Variants in MRPL48 observed in about 807,000 individuals in gnomAD.
The protein encoded by MRPL48 is large ribosomal subunit protein mL48.
MRPL48 carries 16 observed loss-of-function variants against 32.9 expected under a neutral mutation model. The ratio of observed to expected loss-of-function variants is 0.49; its 90% CI spans 0.33 to 0.74. The LOEUF (loss-of-function observed/expected upper bound fraction) is 0.74. MRPL48 is among the 30% of genes least tolerant of loss of function. MRPL48 has a pLI of 0.02. For synonymous variants in MRPL48, 94 were observed against 89.2 expected, an observed-to-expected ratio of 1.05 and a Z score of -0.31; for missense variants, 206 against 245.3, an observed-to-expected ratio of 0.84 and a Z score of 1.07.
intron 6 of MRPL48, among the ~76,000 whole-genome samples, chr11:73,862,144 T>C (rs1411484489): frequency 6.6e-6 from 1 of 151,880 alleles, no homozygotes; most frequent in South Asian, 2.1e-4. Flanking sequence ...AAAAATTAGC[T>C]GGGCACGGTG....
At chr11:73,850,737 C>T (rs895088946) in intron 5 of MRPL48, 4 of 209,554 alleles carry the variant, frequency 1.9e-5, no homozygotes, top group East Asian at 1.5e-4. Flanking sequence ...AATGCAGCGG[C>T]GCGATCTCGA....
At chr11:73,842,834 C>G (rs367781892) in intron 4 of MRPL48, 5 of 152,414 alleles carry the variant, frequency 3.3e-5, no homozygotes, top group African/African-American at 1.2e-4. Context: ...TGTTTTGAAA[C>G]AGGATCTCAC....
At chr11:73,807,169 C>A (rs1465538933) in intron 2 of MRPL48, among the ~76,000 whole-genome samples, 1 of 152,164 alleles carries the variant, frequency 6.6e-6, no homozygotes, top group African/African-American at 2.4e-5. Context: ...CGTGCCCAGG[C>A]TCCCCATTGT....
rs991921345 is a variant in MRPL48 at position 73,825,537 on chromosome 11, G to C, written c.113-171G>C. ...TAGCTACTTGGGGTCGGCGGGGAGG[G>C]GGGTGTGGGCTGAGGCAGGAGACTG... On this transcript the variant is annotated intron_variant, in intron 3 of 7. Coordinates refer to ENST00000310614, the MANE Select transcript of MRPL48 (RefSeq NM_016055.6). 7.2e-5 allele frequency among the ~76,000 whole-genome samples: 11 copies of C among 151,816 alleles called. 1 individual carries two copies. The highest frequency in any genetic ancestry group is 1.2e-4 in the African/African-American group (5 of 41,302).
rs773064608 is a variant in MRPL48, at chr11:73,816,485, G to A, written c.112+8135G>A. 7.9e-5 allele frequency among the ~76,000 whole-genome samples: 12 copies of A among 151,846 alleles called. No individual in the cohort carries two copies. The South Asian group carries it at 8.3e-4, about 11-fold the overall frequency. On this transcript the variant is annotated intron_variant, in intron 3 of 7. Transcript: ENST00000310614. ...GTATATTTTAGTTTTTTATTTTTGA[G>A]ATGGAGTTTTGCTCTTGTTGCCCAG...
chr11:73,851,186 C>T (rs940498826), intron 5 of MRPL48: 2 of 436,372 alleles, frequency 4.6e-6, no homozygotes, highest in Admixed American at 2.6e-5. Flanking sequence ...TCCCAGTTCA[C>T]ACCGCCACTG....
At chr11:73,803,819 C>T (rs2134958914) in intron 1 of MRPL48, among the ~76,000 whole-genome samples, 1 of 152,128 alleles carries the variant, frequency 6.6e-6, no homozygotes, top group South Asian at 2.1e-4. Flanking sequence ...TTGCTTGAGT[C>T]CAGGAGATTG....
intron 5 of MRPL48, among the ~76,000 whole-genome samples, chr11:73,846,712 C>G (rs775575706): frequency 2.0e-5 from 3 of 150,584 alleles, no homozygotes; most frequent in Non-Finnish European, 4.4e-5. Context: ...TCCCACCCAG[C>G]CTGGTATGCA....
chr11:73,835,244 C>T (rs1281390372), intron 4 of MRPL48, among the ~76,000 whole-genome samples: 7 of 146,738 alleles, frequency 4.8e-5, no homozygotes, highest in African/African-American at 1.8e-4. Flanking sequence ...CTGGTTCAAG[C>T]GATTCTCTTG....
At position 73,844,890 on chromosome 11, in the gene MRPL48, G is replaced by A; in HGVS notation, c.285G>A (p.Leu95=). ...AATATGGGGTTTTAAATATTCATCT[G>A]ACTGCATATGATATGACCCTGGCAG... ...DYEYGVLNIH[L]TAYDMTLAES... The change falls in exon 5 of 8, where the codon CTG becomes CTA. Residue 95 remains leucine, a synonymous_variant. Transcript: ENST00000310614. 6.2e-7 allele frequency: 1 copy of A among 1,613,736 alleles called. No homozygotes were observed. The highest frequency in any genetic ancestry group is 1.3e-5 in the African/African-American group (1 of 75,006).
intron 1 of MRPL48, among the ~76,000 whole-genome samples, chr11:73,803,693 G>A (rs1005195315): frequency 6.6e-6 from 1 of 151,908 alleles, no homozygotes; most frequent in Non-Finnish European, 1.5e-5. Flanking sequence ...TAGTGGGCAG[G>A]ATTTTCTCTT....
In MRPL48 at chr11:73,863,265, G is replaced by GGT. The variant is rs1948615690; in HGVS notation, c.564+6_564+7dup. ...AGTCAGACTGTCAGTGAAGGAGGTAGGTGCTGGTTTGAGAAGAGGCCCCTG... is the reference window on the plus strand; with the variant it reads ...AGTCAGACTGTCAGTGAAGGAGGTAGGTGTGCTGGTTTGAGAAGAGGCCCCTG... On this transcript the variant is annotated splice_donor_region_variant and intron_variant, in intron 7 of 7. Coordinates refer to ENST00000310614, the MANE Select transcript of MRPL48 (RefSeq NM_016055.6). 1 of 1,559,182 alleles carries GGT rather than the reference G, an allele frequency of 6.4e-7. No homozygotes were observed. Among genetic ancestry groups the GGT allele is most frequent in the East Asian group, 2.4e-5 (1 of 41,964 alleles).
At chr11:73,852,279 T>TGG (rs1948408273) in intron 5 of MRPL48, among the ~76,000 whole-genome samples, 9 of 150,562 alleles carry the variant, frequency 6.0e-5, no homozygotes, top group Admixed American at 2.0e-4. Context: ...CTTGAAATAA[T>TGG]ATGTGGTTAA....
chr11:73,860,140 T>C, intron 6 of MRPL48, 131 bp downstream of exon 6: 2 of 688,818 alleles, frequency 2.9e-6, no homozygotes, highest in Non-Finnish European at 2.4e-6. Context: ...CAGTTCTTGA[T>C]GCCTCCATCT....
At chr11:73,824,540 G>A (rs542494896) in intron 3 of MRPL48, among the ~76,000 whole-genome samples, 33 of 151,462 alleles carry the variant, frequency 2.2e-4, no homozygotes, top group South Asian at 6.3e-4. Flanking sequence ...AGCTGAGATC[G>A]CACCACTGCA....
In MRPL48 at chr11:73,832,064, G is replaced by A. The variant is rs1287623550; in HGVS notation, c.201+6268G>A. 2.1e-4 allele frequency among the ~76,000 whole-genome samples: 32 copies of A among 152,106 alleles called. No individual in the cohort carries two copies. The East Asian group carries it at 5.6e-3, about 27-fold the overall frequency. The stretch of plus-strand genomic sequence containing the variant: ...AGCTGTTGTCCAGCTTCCAGTCTTG[G>A]GGTAATGGCAGCTTAATAATCTGAA... On this transcript the variant is annotated intron_variant, in intron 4 of 7. Coordinates refer to ENST00000310614, the MANE Select transcript of MRPL48 (RefSeq NM_016055.6).
At chr11:73,831,708 A>C (rs915554161) in intron 4 of MRPL48, among the ~76,000 whole-genome samples, 1 of 152,206 alleles carries the variant, frequency 6.6e-6, no homozygotes, top group East Asian at 1.9e-4. Flanking sequence ...TGGGAGGCCG[A>C]GGGGGGAGGA....
chr11:73,813,153 G>C (rs1947599328), intron 3 of MRPL48, among the ~76,000 whole-genome samples: 1 of 151,720 alleles, frequency 6.6e-6, no homozygotes. Flanking sequence ...ATTTGTATTT[G>C]TTTCCTAATG....
At chr11:73,846,003 G>T (rs1477189159) in intron 5 of MRPL48, among the ~76,000 whole-genome samples, 1 of 148,850 alleles carries the variant, frequency 6.7e-6, no homozygotes, top group Non-Finnish European at 1.5e-5. Context: ...AGGAAGTGGA[G>T]GTTGCAGTGA....
Sources: allele counts gnomAD v4.1 joint callset (sites outside exome capture counted in the v4.1 genomes callset), GRCh38; gene constraint gnomAD v4.1.1; transcripts MANE v1.5; gene names NCBI Gene and HGNC (gene_info 2026-07-23, HGNC 2026-07-21).